ZCCHC7: variants seen among roughly 807,000 people sequenced by gnomAD.
The protein encoded by ZCCHC7 is zinc finger CCHC-type containing 7.
A neutral mutation model predicts 52.0 loss-of-function variants in ZCCHC7; 35 were observed. The observed-to-expected ratio is 0.67, with a 90% CI of 0.51 to 0.89. The LOEUF is 0.89. ZCCHC7 is among the 40% of genes least tolerant of loss of function. ZCCHC7 has a pLI of 0.00. For synonymous variants in ZCCHC7, 217 were observed against 221.5 expected (o/e 0.98, Z 0.18); for missense variants, 574 against 649.1 (o/e 0.88, Z 1.26).
intron 2 of ZCCHC7, among the ~76,000 whole-genome samples, chr9:37,252,133 G>A (rs1198587841): frequency 6.6e-6 from 1 of 152,086 alleles, no homozygotes; most frequent in Non-Finnish European, 1.5e-5. Flanking sequence ...TTATGAAAAT[G>A]AGGTGTAATA....
rs1436255975 is a variant in ZCCHC7, at chr9:37,357,970, G to T, written c.*702G>T. On this transcript the variant is annotated 3_prime_UTR_variant, in exon 9 of 9. Coordinates refer to ENST00000336755, the MANE Select transcript of ZCCHC7 (RefSeq NM_032226.3). ...ATCATTTTTTACCACTTTTACAGCG[G>T]TGTTTCAAGCGGACTGTCACTCAGA... 1.3e-5 allele frequency: 2 copies of T among 152,038 alleles called. No homozygotes were observed. The highest frequency in any genetic ancestry group is 2.9e-5 in the Non-Finnish European group (2 of 68,018). The allele number at this position is 152,038 out of a possible 1,614,324, so 9.4% of individuals were successfully genotyped here. A position where few individuals can be genotyped will look rare whatever the true frequency, so the allele number is the denominator to read the frequency against.
chr9:37,137,075 A>G (rs1353210696), intron 2 of ZCCHC7, among the ~76,000 whole-genome samples: 2 of 152,246 alleles, frequency 1.3e-5, no homozygotes, highest in African/African-American at 2.4e-5. Flanking sequence ...GGTGCTGACA[A>G]CGTACAAGCC....
intron 2 of ZCCHC7, among the ~76,000 whole-genome samples, chr9:37,215,182 G>GT (rs1194397847): frequency 6.6e-6 from 1 of 152,068 alleles, no homozygotes; most frequent in Admixed American, 6.6e-5. Flanking sequence ...GGATTATTCT[G>GT]TTTTTCAATT....
At chr9:37,160,270 G>A (rs1477102750) in intron 2 of ZCCHC7, 2 of 152,212 alleles carry the variant, frequency 1.3e-5, no homozygotes, top group African/African-American at 2.4e-5. Flanking sequence ...AGCACTAAGG[G>A]AGGCTCAGAC....
At chr9:37,238,359 G>C (rs1825742461) in intron 2 of ZCCHC7, among the ~76,000 whole-genome samples, 1 of 152,070 alleles carries the variant, frequency 6.6e-6, no homozygotes, top group South Asian at 2.1e-4. Flanking sequence ...AGGTGATGTA[G>C]CTTTTTTGGA....
intron 2 of ZCCHC7, among the ~76,000 whole-genome samples, chr9:37,297,023 C>T (rs1828821019): frequency 1.3e-5 from 2 of 152,120 alleles, no homozygotes; most frequent in South Asian, 4.2e-4. Context: ...AGGAGTCAGC[C>T]ACTGCATCTG....
intron 6 of ZCCHC7, among the ~76,000 whole-genome samples, chr9:37,337,401 A>ACCCCCCC (rs59648311): frequency 1.7e-4 from 4 of 23,104 alleles, no homozygotes; most frequent in Non-Finnish European, 2.2e-4. Flanking sequence ...CTACCCACCC[A>ACCCCCCC]CCCCCCCCCC....
intron 1 of ZCCHC7, among the ~76,000 whole-genome samples, chr9:37,123,217 G>A (rs1200644866): frequency 1.6e-5 from 2 of 127,056 alleles, no homozygotes; most frequent in African/African-American, 2.6e-5. Flanking sequence ...GTGTGTGTGT[G>A]TGTGTGTGCG....
chr9:37,195,320 A>C (rs1235259117), intron 2 of ZCCHC7, among the ~76,000 whole-genome samples: 2 of 152,176 alleles, frequency 1.3e-5, no homozygotes, highest in Non-Finnish European at 2.9e-5. Context: ...CCTAAATCAT[A>C]TTGTTGATAA....
chr9:37,333,651 C>T (rs992335030), intron 6 of ZCCHC7, among the ~76,000 whole-genome samples: 2 of 151,796 alleles, frequency 1.3e-5, no homozygotes, highest in African/African-American at 4.8e-5. Context: ...CTCTCTTCCC[C>T]ATGTGTGTTC....
chr9:37,338,599 C>T lies in ZCCHC7; in HGVS notation c.988-10758C>T, dbSNP rs145685731. On this transcript the variant is annotated intron_variant, in intron 6 of 8. Transcript: ENST00000336755. ...AATATCAAATAACTAAAGCAACACA[C>T]GTTATTCTGCAGTTCAAATGAACAC... Among the ~76,000 whole-genome samples the T allele has an allele frequency of 8.2e-4, 125 of 152,186 alleles. 1 individual carries two copies. In the East Asian group the frequency reaches 0.021, roughly 26 times the overall value.
intron 6 of ZCCHC7, among the ~76,000 whole-genome samples, chr9:37,346,953 G>A (rs1216856563): frequency 6.6e-6 from 1 of 152,092 alleles, no homozygotes; most frequent in Non-Finnish European, 1.5e-5. Flanking sequence ...CCATGATTGT[G>A]CCTCTGTACT....
intron 2 of ZCCHC7, among the ~76,000 whole-genome samples, chr9:37,131,593 C>T (rs1421184304): frequency 6.6e-6 from 1 of 151,968 alleles, no homozygotes; most frequent in Non-Finnish European, 1.5e-5. Flanking sequence ...TGCAGTGAGC[C>T]GAGATTGTGC....
intron 2 of ZCCHC7, among the ~76,000 whole-genome samples, chr9:37,255,784 T>C (rs1826559423): frequency 6.6e-6 from 1 of 152,154 alleles, no homozygotes; most frequent in Admixed American, 6.5e-5. Flanking sequence ...TGATTCACTT[T>C]ATCAAAATGG....
chr9:37,188,346 A>G (rs554242268), intron 2 of ZCCHC7, among the ~76,000 whole-genome samples: 2 of 151,646 alleles, frequency 1.3e-5, no homozygotes, highest in African/African-American at 4.8e-5. Context: ...TAGTGCCAAG[A>G]TTTCACTATG....
At chr9:37,190,539 C>T (rs1197121190) in intron 2 of ZCCHC7, among the ~76,000 whole-genome samples, 1 of 152,194 alleles carries the variant, frequency 6.6e-6, no homozygotes, top group Non-Finnish European at 1.5e-5. Flanking sequence ...CTGCTTTATG[C>T]ATCATCCAGG....
At chr9:37,332,291 A>AT (rs1318750721) in intron 6 of ZCCHC7, among the ~76,000 whole-genome samples, 2 of 151,538 alleles carry the variant, frequency 1.3e-5, no homozygotes, top group Non-Finnish European at 3.0e-5. Flanking sequence ...CCATCTTTCC[A>AT]TTATAGTACT....
At chr9:37,246,511 A>G (rs773547111) in intron 2 of ZCCHC7, among the ~76,000 whole-genome samples, 3 of 152,208 alleles carry the variant, frequency 2.0e-5, no homozygotes, top group Non-Finnish European at 4.4e-5. Flanking sequence ...ATAGGATATT[A>G]TAAACTATAA....
intron 2 of ZCCHC7, among the ~76,000 whole-genome samples, chr9:37,269,871 A>G (rs149817268): frequency 0.01 from 1,573 of 152,252 alleles, 8 homozygotes; most frequent in Non-Finnish European, 0.015. Flanking sequence ...TAGGAAGTGC[A>G]TTTGAGGCAC....
Sources: allele counts gnomAD v4.1 joint callset (sites outside exome capture counted in the v4.1 genomes callset), GRCh38; gene constraint gnomAD v4.1.1; transcripts MANE v1.5; gene names NCBI Gene and HGNC (gene_info 2026-07-23, HGNC 2026-07-21).